The following LAMP2 variants were observed in gnomAD, a reference collection of about 807,000 sequenced individuals.
LAMP2 encodes the protein lysosome-associated membrane glycoprotein 2.
LAMP2 carries 4 observed loss-of-function variants against 25.6 expected under a neutral mutation model. The observed-to-expected ratio is 0.16, with a 90% CI of 0.08 to 0.36. The LOEUF (loss-of-function observed/expected upper bound fraction) is 0.36. LAMP2 is among the 10% of genes least tolerant of loss of function. The pLI, the probability that LAMP2 is intolerant of heterozygous loss-of-function variation, is 1.00. For missense variants in LAMP2, 272 were observed against 301.4 expected (o/e 0.90, Z 0.72); for synonymous variants, 108 against 112.7 (o/e 0.96, Z 0.27).
Position 120,430,913 on chromosome X carries a change from T to C in LAMP2, c.*410A>G. ...CATTGATGAGTTTAAATCACTATAGTCCTTATACATTGAAACAGAACACCA... is the reference window on the plus strand; with the variant it reads ...CATTGATGAGTTTAAATCACTATAGCCCTTATACATTGAAACAGAACACCA... On this transcript the variant is annotated 3_prime_UTR_variant, in exon 9 of 9. Coordinates refer to ENST00000200639, the MANE Select transcript of LAMP2 (RefSeq NM_002294.3). 1 of 801,392 alleles carries C rather than the reference T, an allele frequency of 1.2e-6. No individual in the cohort carries two copies. Among genetic ancestry groups the C allele is most frequent in the Non-Finnish European group, 1.5e-6 (1 of 665,518 alleles). 66.0% of individuals were successfully genotyped at this position (801,392 alleles called of 1,213,427 possible).
At position 120,436,170 on chromosome X, in the gene LAMP2, A is replaced by ACACACTCTCT. The variant is rs1251901451; in HGVS notation, c.1094-4709_1094-4708insAGAGAGTGTG. 2.5e-3 allele frequency among the ~76,000 whole-genome samples: 144 copies of ACACACTCTCT among 57,286 alleles called. 2 individuals are homozygous for ACACACTCTCT. In the Middle Eastern group the frequency reaches 0.032, roughly 13 times the overall value. 49.7% of individuals were successfully genotyped at this position (57,286 alleles called of 115,157 possible). On this transcript the variant is annotated intron_variant, in intron 8 of 8. Coordinates refer to ENST00000200639, the MANE Select transcript of LAMP2 (RefSeq NM_002294.3). ...CACACACACACACACACACACACAC[A>ACACACTCTCT]CTCTCTCTCTCTCTCTCTGTCTCTC...
At chrX:120,444,642 C>T (rs1282599644) in intron 6 of LAMP2, among the ~76,000 whole-genome samples, 1 of 111,762 alleles carries the variant, frequency 8.9e-6, no homozygotes, top group East Asian at 2.8e-4. Flanking sequence ...ATTTCATATA[C>T]ACCTTCCACA....
At chrX:120,450,060 C>T (rs2058614772) in intron 3 of LAMP2, among the ~76,000 whole-genome samples, 3 of 112,010 alleles carry the variant, frequency 2.7e-5, no homozygotes, top group African/African-American at 6.5e-5. Context: ...ATAGTAAATC[C>T]TTATTTTTGT....
chrX:120,440,121 A>G (rs1046249175), intron 8 of LAMP2, among the ~76,000 whole-genome samples: 4 of 112,380 alleles, frequency 3.6e-5, no homozygotes, highest in African/African-American at 1.3e-4. Context: ...TCGTGCTACA[A>G]TAGCAGGGTC....
chrX:120,469,115 G>C lies in LAMP2; in HGVS notation c.55C>G (p.Leu19Val). The change falls in exon 1 of 9, where the codon CTA (leucine) becomes GTA (valine). Residue 19 changes from leucine (L) to valine (V), a missense_variant. Coordinates refer to ENST00000200639, the MANE Select transcript of LAMP2 (RefSeq NM_002294.3). Reference sequence around the variant, plus strand: ...GGGCCCGACAACTCACCCAGGACTAGGCAGACCAGAACGAGCCCTGAGCCC... The same window carrying C: ...GGGCCCGACAACTCACCCAGGACTACGCAGACCAGAACGAGCCCTGAGCCC... ...VPGSGLVLVC[L>V]VLGAVRSYAL... The C allele has an allele frequency of 1.7e-6, 2 of 1,211,990 alleles. No homozygotes were observed. Among genetic ancestry groups the C allele is most frequent in the Non-Finnish European group, 2.2e-6 (2 of 895,296 alleles).
At chrX:120,465,941 G>A (rs1476166932) in intron 1 of LAMP2, among the ~76,000 whole-genome samples, 1 of 112,269 alleles carries the variant, frequency 8.9e-6, no homozygotes, top group Non-Finnish European at 1.9e-5. Context: ...TATATGGGAG[G>A]ACTTTGGGCT....
intron 8 of LAMP2, chrX:120,439,041 C>A (rs1472919075): frequency 8.6e-6 from 10 of 1,160,849 alleles, no homozygotes; most frequent in Middle Eastern, 5.9e-4. Context: ...CCCCATACCA[C>A]CCATTCTAAA....
Position 120,431,067 on chromosome X carries a change from A to G in LAMP2, c.*256T>C, listed in dbSNP as rs2058520897. On this transcript the variant is annotated 3_prime_UTR_variant, in exon 9 of 9. Coordinates refer to ENST00000200639, the MANE Select transcript of LAMP2 (RefSeq NM_002294.3). The stretch of plus-strand genomic sequence containing the variant: ...AAATTTGGCCAGGGCTTCTTAAGAT[A>G]GACCTTAAAACATTGCACGTTGATG... The G allele has an allele frequency of 2.1e-6, 2 of 952,562 alleles. No homozygotes were observed. Among genetic ancestry groups the G allele is most frequent in the Admixed American group, 9.5e-5 (2 of 21,047 alleles). 78.5% of individuals were successfully genotyped at this position (952,562 alleles called of 1,213,427 possible). A position where few individuals can be genotyped will look rare whatever the true frequency, so the allele number is the denominator to read the frequency against.
At chrX:120,444,077 A>G (rs1168793060) in intron 6 of LAMP2, among the ~76,000 whole-genome samples, 1 of 111,869 alleles carries the variant, frequency 8.9e-6, no homozygotes, top group Non-Finnish European at 1.9e-5. Flanking sequence ...AAAGAAAAGA[A>G]AGAGAGAAAC....
intron 1 of LAMP2, among the ~76,000 whole-genome samples, chrX:120,466,899 G>A (rs1921561201): frequency 9.6e-6 from 1 of 103,831 alleles, no homozygotes; most frequent in Non-Finnish European, 2.0e-5. Flanking sequence ...CTGGAATGCA[G>A]TGGCGCAATC....
intron 3 of LAMP2, among the ~76,000 whole-genome samples, chrX:120,453,444 G>A (rs1187758176): frequency 5.4e-5 from 6 of 111,989 alleles, no homozygotes; most frequent in African/African-American, 1.9e-4. Flanking sequence ...AAAGAGCTAA[G>A]CTACTACAAA....
At chrX:120,457,244 C>T (rs1326571293) in intron 1 of LAMP2, among the ~76,000 whole-genome samples, 1 of 111,443 alleles carries the variant, frequency 9.0e-6, no homozygotes, top group Non-Finnish European at 1.9e-5. Flanking sequence ...CTCAAACCAG[C>T]TGGTGAAACA....
intron 1 of LAMP2, among the ~76,000 whole-genome samples, chrX:120,467,699 C>T (rs1308092281): frequency 1.8e-5 from 2 of 112,232 alleles, no homozygotes; most frequent in African/African-American, 6.5e-5. Flanking sequence ...TTGTTAGCGA[C>T]CCACTGCCTA....
In LAMP2 at chrX:120,455,501, C is replaced by T. The variant is rs371149731; in HGVS notation, c.253G>A (p.Gly85Ser). 6 of 1,208,164 alleles carry T rather than the reference C, an allele frequency of 5.0e-6. No homozygotes were observed. Among genetic ancestry groups the T allele is most frequent in the Non-Finnish European group, 6.7e-6 (6 of 894,204 alleles). ...NGSICGDDQN[G>S]PKIAVQFGPG... ...CCGAACTGCACTGCTATTTTGGGAC[C>T]ATTCTGATCATCCCCACAAATGCTT... Residue 85 changes from glycine (G) to serine (S), a missense_variant, in exon 3 of 9, where the codon GGT becomes AGT. Transcript: ENST00000200639.
At position 120,463,915 on chromosome X, in the gene LAMP2, G is replaced by GT. The variant is rs1221202178; in HGVS notation, c.64+5190dup. Among the ~76,000 whole-genome samples, 99 of 96,694 alleles carry GT rather than the reference G, an allele frequency of 1.0e-3. 3 individuals carry two copies. Among genetic ancestry groups the GT allele is most frequent in the Non-Finnish European group, 1.4e-3 (69 of 48,830 alleles). 84.0% of individuals were successfully genotyped at this position (96,694 alleles called of 115,157 possible). A position where few individuals can be genotyped will look rare whatever the true frequency, so the allele number is the denominator to read the frequency against. ...TCTTCTAGCTTGACTTCTGTTTTTC[G>GT]TTTTTTTTTTGTTTTTTTTTAGGGT... On this transcript the variant is annotated intron_variant, in intron 1 of 8. Coordinates refer to ENST00000200639, the MANE Select transcript of LAMP2 (RefSeq NM_002294.3).
chrX:120,452,536 A>G (rs764428753), intron 3 of LAMP2, among the ~76,000 whole-genome samples: 3 of 107,024 alleles, frequency 2.8e-5, no homozygotes, highest in Non-Finnish European at 5.8e-5. Context: ...TAAATCAGCC[A>G]GTCTTTTCTT....
rs752231323 is a variant in LAMP2, at chrX:120,431,365, A to G, written c.1191T>C (p.Phe397=). 77 of 1,208,941 alleles carry G rather than the reference A, an allele frequency of 6.4e-5. No individual in the cohort carries two copies. Among genetic ancestry groups the G allele is most frequent in the South Asian group, 3.2e-4 (18 of 56,834 alleles). ...CAGCATGATGGTGCTTGAGACCAAT[A>G]AAATAAGCCAGCAACACTAGAATAA... ...GVLILVLLAY[F]IGLKHHHAGY... Residue 397 remains phenylalanine (F), a synonymous_variant, in exon 9 of 9, where the codon TTT becomes TTC. Transcript: ENST00000200639.
chrX:120,461,159 T>C (rs889694362), intron 1 of LAMP2, among the ~76,000 whole-genome samples: 1 of 111,787 alleles, frequency 8.9e-6, no homozygotes, highest in Non-Finnish European at 1.9e-5. Context: ...CCAGTTCTTT[T>C]TAATAAATTC....
intron 8 of LAMP2, among the ~76,000 whole-genome samples, chrX:120,435,856 G>A (rs957935003): frequency 1.8e-5 from 2 of 111,241 alleles, no homozygotes; most frequent in African/African-American, 6.5e-5. Context: ...AAGGTGACTA[G>A]GTAACTATCC....
Sources: allele counts gnomAD v4.1 joint callset (sites outside exome capture counted in the v4.1 genomes callset), GRCh38; gene constraint gnomAD v4.1.1; transcripts MANE v1.5; gene names NCBI Gene and HGNC (gene_info 2026-07-23, HGNC 2026-07-21).